CDK6: variants seen among roughly 807,000 people sequenced by gnomAD.
CDK6 encodes cyclin dependent kinase 6.
In CDK6, 6 loss-of-function variants were observed where a neutral mutation model predicts 37.1. That is an observed-to-expected ratio of 0.16 (90% confidence interval 0.09 to 0.32). The LOEUF (loss-of-function observed/expected upper bound fraction) is 0.32. Ranked by LOEUF, CDK6 falls within the 10% of genes least tolerant of loss-of-function variation. CDK6 has a pLI of 1.00. For missense variants in CDK6, 224 were observed against 418.9 expected, an observed-to-expected ratio of 0.53 and a Z score of 4.06; for synonymous variants, 160 against 161.3, an observed-to-expected ratio of 0.99 and a Z score of 0.06.
In CDK6 at chr7:92,747,231, C is replaced by T. The variant is rs972420611; in HGVS notation, c.370-21438G>A. ...AAGTCCTGTCAAGTCTTCTCAATTT[C>T]TCATTTCCTTCCAATTAATCATCAT... On this transcript the variant is annotated intron_variant, in intron 3 of 7. Transcript: ENST00000424848. Among the ~76,000 whole-genome samples, 9 of 152,324 alleles carry T rather than the reference C, an allele frequency of 5.9e-5. 1 individual carries two copies. The highest frequency in any genetic ancestry group is 4.6e-4 in the Admixed American group (7 of 15,302).
chr7:92,619,767 A>G (rs1309467112), intron 6 of CDK6, among the ~76,000 whole-genome samples: 3 of 151,942 alleles, frequency 2.0e-5, no homozygotes, highest in Non-Finnish European at 2.9e-5. Flanking sequence ...ATACTGAGAG[A>G]GCTACATTAT....
chr7:92,711,329 G>A (rs1798082489), intron 4 of CDK6, among the ~76,000 whole-genome samples: 1 of 151,928 alleles, frequency 6.6e-6, no homozygotes, highest in South Asian at 2.1e-4. Flanking sequence ...TAAATAAATG[G>A]AAACAAGTAA....
rs937293384 is a variant in CDK6 at position 92,663,561 on chromosome 7, C to T, written c.647+7865G>A. Among the ~76,000 whole-genome samples the T allele has an allele frequency of 5.5e-4, 84 of 151,890 alleles. 1 individual carries two copies. Among genetic ancestry groups the T allele is most frequent in the Non-Finnish European group, 4.4e-5 (3 of 67,938 alleles). On this transcript the variant is annotated intron_variant, in intron 5 of 7. Transcript: ENST00000424848. ...ACTAAAATACAAAAAATTAGCTGGG[C>T]GTGGCGGCATGTGCCTGTAGTCCCA...
chr7:92,672,176 C>T (rs1585386939), intron 4 of CDK6, among the ~76,000 whole-genome samples: 35 of 104,020 alleles, frequency 3.4e-4, no homozygotes, highest in South Asian at 7.3e-4. Flanking sequence ...TACACACACA[C>T]ACACACAGAC....
chr7:92,835,716 C>A lies in CDK6; in HGVS notation c.-368+762G>T, dbSNP rs573705963. On this transcript the variant is annotated intron_variant, in intron 1 of 7. Transcript: ENST00000424848. The surrounding 1 kb of genome is among the most constrained non-coding windows in gnomAD (Gnocchi z 4.2). ...TCGCCACCAGCACAGCGACAAGAGG[C>A]CACACCGGGGACCGCGACTCCCGCG... Among the ~76,000 whole-genome samples the A allele has an allele frequency of 6.6e-6, 1 of 152,240 alleles. No homozygotes were observed. The highest frequency in any genetic ancestry group is 2.1e-4 in the South Asian group (1 of 4,828).
intron 3 of CDK6, among the ~76,000 whole-genome samples, chr7:92,738,690 T>C (rs1023614178): frequency 6.6e-6 from 1 of 151,366 alleles, no homozygotes; most frequent in African/African-American, 2.4e-5. Context: ...CAGGGAAACA[T>C]GGGCATCCCT....
intron 2 of CDK6, among the ~76,000 whole-genome samples, chr7:92,816,027 A>C (rs1801021619): frequency 6.6e-6 from 1 of 152,154 alleles, no homozygotes; most frequent in Non-Finnish European, 1.5e-5. Flanking sequence ...AAAAGAGACA[A>C]ACTAAAAATA....
At chr7:92,684,795 A>G (rs945492216) in intron 4 of CDK6, among the ~76,000 whole-genome samples, 2 of 152,204 alleles carry the variant, frequency 1.3e-5, no homozygotes, top group Non-Finnish European at 2.9e-5. Flanking sequence ...GAAGGAAAAT[A>G]CACAATTTAG....
intron 4 of CDK6, among the ~76,000 whole-genome samples, chr7:92,708,902 C>T (rs1798024930): frequency 6.6e-6 from 1 of 152,180 alleles, no homozygotes; most frequent in South Asian, 2.1e-4. Context: ...TCAGTAGTGG[C>T]TACTATGTTC....
At chr7:92,729,984 T>A (rs1439308731) in intron 3 of CDK6, among the ~76,000 whole-genome samples, 2 of 152,196 alleles carry the variant, frequency 1.3e-5, no homozygotes, top group Non-Finnish European at 2.9e-5. Flanking sequence ...GAGCCATGAA[T>A]CCTTCCGCCT....
chr7:92,826,511 T>G (rs981155557), intron 2 of CDK6, among the ~76,000 whole-genome samples: 2 of 152,084 alleles, frequency 1.3e-5, no homozygotes, highest in Non-Finnish European at 2.9e-5. Flanking sequence ...AGAGATCTGT[T>G]CAAATTAAAG....
chr7:92,743,445 C>A (rs530246416), intron 3 of CDK6, among the ~76,000 whole-genome samples: 4 of 150,744 alleles, frequency 2.7e-5, no homozygotes, highest in African/African-American at 9.7e-5. Context: ...TCCAGCAACT[C>A]AATTAGAAAA....
intron 4 of CDK6, among the ~76,000 whole-genome samples, chr7:92,686,382 G>A (rs567444515): frequency 2.0e-5 from 3 of 151,962 alleles, no homozygotes; most frequent in African/African-American, 4.8e-5. Flanking sequence ...TTGGTTTAAC[G>A]TTCCTGAGTT....
chr7:92,696,074 G>A (rs1797712155), intron 4 of CDK6, among the ~76,000 whole-genome samples: 1 of 152,214 alleles, frequency 6.6e-6, no homozygotes, highest in Admixed American at 6.5e-5. Context: ...CAAAGTGAAA[G>A]TTTCCAGCTT....
At chr7:92,686,466 T>C (rs1242777397) in intron 4 of CDK6, among the ~76,000 whole-genome samples, 1 of 152,304 alleles carries the variant, frequency 6.6e-6, no homozygotes, top group South Asian at 2.1e-4. Flanking sequence ...TTTTTATGGC[T>C]GAGTAGTATT....
At chr7:92,792,074 A>T (rs1026839357) in intron 2 of CDK6, among the ~76,000 whole-genome samples, 1 of 152,256 alleles carries the variant, frequency 6.6e-6, no homozygotes, top group Middle Eastern at 3.4e-3. Context: ...GGATTATAGG[A>T]GAATAAAATT....
At chr7:92,812,121 AGAGT>A (rs1351984195) in intron 2 of CDK6, among the ~76,000 whole-genome samples, 23 of 152,354 alleles carry the variant, frequency 1.5e-4, no homozygotes, top group African/African-American at 5.5e-4. Context: ...CCTGAGCAAC[AGAGT>A]GAGACTCCAA....
At chr7:92,746,736 C>A (rs1799068754) in intron 3 of CDK6, among the ~76,000 whole-genome samples, 1 of 152,068 alleles carries the variant, frequency 6.6e-6, no homozygotes, top group Non-Finnish European at 1.5e-5. Flanking sequence ...ACAGTCTCAC[C>A]AACACCTGAC....
At chr7:92,687,078 G>A (rs1483275533) in intron 4 of CDK6, among the ~76,000 whole-genome samples, 1 of 152,100 alleles carries the variant, frequency 6.6e-6, no homozygotes, top group Non-Finnish European at 1.5e-5. Context: ...AATCACTATT[G>A]TAGATACTTA....
Sources: allele counts gnomAD v4.1 joint callset (sites outside exome capture counted in the v4.1 genomes callset), GRCh38; gene constraint gnomAD v4.1.1; non-coding constraint Gnocchi (gnomAD v3.1); transcripts MANE v1.5; gene names NCBI Gene and HGNC (gene_info 2026-07-23, HGNC 2026-07-21).